The following IFI27L1 variants were observed in gnomAD, a reference collection of about 807,000 sequenced individuals.
The protein encoded by IFI27L1 is interferon alpha inducible protein 27 like 1.
IFI27L1 carries 3 observed loss-of-function variants against 9.2 expected under a neutral mutation model. That is an observed-to-expected ratio of 0.32 (90% CI 0.15 to 0.84). IFI27L1 has a LOEUF of 0.84. IFI27L1 is among the 40% of genes least tolerant of loss of function. IFI27L1 has a pLI of 0.56. For synonymous variants in IFI27L1, 53 were observed against 50.0 expected (o/e 1.06, Z -0.26); for missense variants, 133 against 134.2 (o/e 0.99, Z 0.05).
intron 1 of IFI27L1, chr14:94,088,269 A>G (rs1317194199): frequency 1.4e-6 from 1 of 702,292 alleles, no homozygotes; most frequent in Non-Finnish European, 2.6e-6. Flanking sequence ...GAGTCCCAGG[A>G]TCCATTTCTT....
chr14:94,100,597 C>G lies in IFI27L1; in HGVS notation c.29-142C>G, dbSNP rs570465267. 22 of 1,553,808 alleles carry G rather than the reference C, an allele frequency of 1.4e-5. No homozygotes were observed. In the South Asian group the frequency reaches 2.4e-4, roughly 17 times the overall value. Reference sequence around the variant, plus strand: ...CTGAGGATGGGGCCTTCACCTCTGACCTATGGCCTAGGATGAGTAGGGGGC... The same window carrying G: ...CTGAGGATGGGGCCTTCACCTCTGAGCTATGGCCTAGGATGAGTAGGGGGC... On this transcript the variant is annotated intron_variant, in intron 2 of 4. Coordinates refer to ENST00000555523, the MANE Select transcript of IFI27L1 (RefSeq NM_206949.3).
intron 1 of IFI27L1, among the ~76,000 whole-genome samples, chr14:94,083,108 A>G (rs755264766): frequency 3.3e-5 from 5 of 152,250 alleles, no homozygotes; most frequent in Non-Finnish European, 5.9e-5. Flanking sequence ...GTTCGGAAGA[A>G]GTTGACTCCA....
intron 2 of IFI27L1, among the ~76,000 whole-genome samples, chr14:94,099,754 A>G (rs1382383485): frequency 6.6e-6 from 1 of 152,186 alleles, no homozygotes; most frequent in Admixed American, 6.5e-5. Context: ...AGCTTGTGTT[A>G]GAGTCAGAAA....
At chr14:94,102,113 T>C in intron 4 of IFI27L1, 138 bp downstream of exon 4, 1 of 912,692 alleles carries the variant, frequency 1.1e-6, no homozygotes, top group South Asian at 1.6e-5. Flanking sequence ...TGTCCCCTCT[T>C]CTGGTTGGAG....
intron 1 of IFI27L1, chr14:94,088,344 C>G: frequency 1.4e-6 from 1 of 702,180 alleles, no homozygotes; most frequent in East Asian, 2.7e-5. Context: ...CCAGAGCCAA[C>G]AGGTGTGGCA....
chr14:94,101,475 G>C (rs1886894272), intron 3 of IFI27L1: 1 of 362,052 alleles, frequency 2.8e-6, no homozygotes, highest in Non-Finnish European at 5.0e-6. Flanking sequence ...CCTTTTGCAT[G>C]GAGAGATCAT....
chr14:94,086,582 A>G (rs1283162005), intron 1 of IFI27L1, among the ~76,000 whole-genome samples: 2 of 152,204 alleles, frequency 1.3e-5, no homozygotes, highest in Non-Finnish European at 1.5e-5. Context: ...AAAAAAAGAG[A>G]GTTATAATAC....
At chr14:94,089,967 C>T (rs2141448806) in intron 1 of IFI27L1, among the ~76,000 whole-genome samples, 1 of 152,264 alleles carries the variant, frequency 6.6e-6, no homozygotes, top group South Asian at 2.1e-4. Flanking sequence ...AGTAAGTGTT[C>T]AATTTAAGAA....
intron 1 of IFI27L1, chr14:94,094,994 T>A (rs1027761805): frequency 7.2e-5 from 11 of 152,118 alleles, no homozygotes; most frequent in Non-Finnish European, 1.5e-4. Flanking sequence ...ATAGAGCGAG[T>A]TAAAGGCCCC....
chr14:94,088,530 T>C (rs905357195), intron 1 of IFI27L1, among the ~76,000 whole-genome samples: 8 of 148,892 alleles, frequency 5.4e-5, no homozygotes, highest in African/African-American at 2.0e-4. Context: ...GACAGAGTCT[T>C]GCTCTGTCGC....
chr14:94,086,549 A>G (rs975067284), intron 1 of IFI27L1, among the ~76,000 whole-genome samples: 1 of 152,172 alleles, frequency 6.6e-6, no homozygotes, highest in South Asian at 2.1e-4. Context: ...TGAAGCTTAC[A>G]TAATTGGTGG....
At chr14:94,087,048 A>G (rs1886304380) in intron 1 of IFI27L1, among the ~76,000 whole-genome samples, 1 of 152,250 alleles carries the variant, frequency 6.6e-6, no homozygotes, top group African/African-American at 2.4e-5. Context: ...GTAAAGGAAG[A>G]CAAAGGTTTT....
rs1474235382 is a variant in IFI27L1 at position 94,101,456 on chromosome 14, TTC to T, written c.62-356_62-355del. ...CCAGAAAAGCAGCTCTGATATTGTC[TTC>T]TGTCAACCTTTTGCATGGAGAGATC... On this transcript the variant is annotated intron_variant, in intron 3 of 4. Transcript: ENST00000555523. 9.7e-6 allele frequency: 3 copies of T among 308,354 alleles called. No homozygotes were observed. The East Asian group carries it at 2.0e-4, about 20-fold the overall frequency. 19.1% of individuals were successfully genotyped at this position (308,354 alleles called of 1,614,324 possible). A position where few individuals can be genotyped will look rare whatever the true frequency, so the allele number is the denominator to read the frequency against.
At chr14:94,100,946 T>A in intron 3 of IFI27L1, 175 bp downstream of exon 3, 1 of 720,590 alleles carries the variant, frequency 1.4e-6, no homozygotes, top group Non-Finnish European at 2.4e-6. Flanking sequence ...GCAAAGCCAT[T>A]AAAGGCACAG....
intron 1 of IFI27L1, among the ~76,000 whole-genome samples, chr14:94,084,730 A>G (rs1202307872): frequency 6.6e-6 from 1 of 152,208 alleles, no homozygotes; most frequent in Non-Finnish European, 1.5e-5. Context: ...TTACGACTTG[A>G]GAGTATCTGT....
chr14:94,090,259 T>C (rs1387283592), intron 1 of IFI27L1, among the ~76,000 whole-genome samples: 1 of 152,116 alleles, frequency 6.6e-6, no homozygotes, highest in Non-Finnish European at 1.5e-5. Flanking sequence ...ATAAGCAGGG[T>C]CAGTCTAAAT....
chr14:94,082,830 A>G (rs1886155049), intron 1 of IFI27L1, among the ~76,000 whole-genome samples: 1 of 152,232 alleles, frequency 6.6e-6, no homozygotes. Context: ...GAGAGCTCTA[A>G]TGGAGATGTA....
intron 1 of IFI27L1, among the ~76,000 whole-genome samples, chr14:94,085,933 A>G (rs958910779): frequency 6.6e-6 from 1 of 152,224 alleles, no homozygotes; most frequent in Non-Finnish European, 1.5e-5. Context: ...TGCCTGAGGC[A>G]TTGTAATTCA....
chr14:94,090,202 T>C (rs1357883303), intron 1 of IFI27L1, among the ~76,000 whole-genome samples: 1 of 152,180 alleles, frequency 6.6e-6, no homozygotes, highest in Non-Finnish European at 1.5e-5. Context: ...CCCATCCCTC[T>C]TGTTTCTTCT....
Sources: gnomAD v4.1 joint callset for allele counts (sites outside exome capture counted in the v4.1 genomes callset) on GRCh38, gnomAD v4.1.1 for gene constraint, MANE v1.5 for transcripts, NCBI Gene and HGNC (gene_info 2026-07-23, HGNC 2026-07-21) for gene names.